The following CRIM1 variants were observed in gnomAD, a reference collection of about 807,000 sequenced individuals.
The protein encoded by CRIM1 is cysteine rich transmembrane BMP regulator 1.
In CRIM1, 32 loss-of-function variants were observed where a neutral mutation model predicts 116.4. That is an observed-to-expected ratio of 0.27 (90% CI 0.21 to 0.37). The LOEUF is 0.37. CRIM1 is among the 10% of genes least tolerant of loss of function. The pLI is 1.00. For missense variants in CRIM1, 1,331 were observed against 1,354.8 expected, an observed-to-expected ratio of 0.98 and a Z score of 0.28; for synonymous variants, 590 against 509.2, an observed-to-expected ratio of 1.16 and a Z score of -2.13.
At chr2:36,382,846 A>G (rs1670887917) in intron 1 of CRIM1, among the ~76,000 whole-genome samples, 1 of 152,264 alleles carries the variant, frequency 6.6e-6, no homozygotes, top group African/African-American at 2.4e-5. Context: ...ATCTCTGTAT[A>G]TTCTAATCCT....
At chr2:36,362,589 C>G (rs1669298780) in intron 1 of CRIM1, among the ~76,000 whole-genome samples, 1 of 152,214 alleles carries the variant, frequency 6.6e-6, no homozygotes, top group Non-Finnish European at 1.5e-5. Flanking sequence ...CAGCACCTCT[C>G]AGCTTCACCC....
rs757223335 is a variant in CRIM1, at chr2:36,479,607, G to A, written c.1285G>A (p.Gly429Ser). The A allele has an allele frequency of 7.4e-6, 12 of 1,614,108 alleles. No individual in the cohort carries two copies. The highest frequency in any genetic ancestry group is 4.4e-5 in the South Asian group (4 of 91,090). Residue 429 changes from glycine to serine, a missense_variant, in exon 7 of 17, where the codon GGT (glycine) becomes AGT (serine). Coordinates refer to ENST00000280527, the MANE Select transcript of CRIM1 (RefSeq NM_016441.3). ...DDCTFCQCVN[G>S]ERHCVATVCG... ...CTGCACATTCTGCCAGTGCGTCAAC[G>A]GTGAACGCCACTGCGTTGCGACCGT... is the stretch of plus-strand genomic sequence containing the variant.
At chr2:36,437,898 C>A (rs1358390759) in intron 2 of CRIM1, among the ~76,000 whole-genome samples, 1 of 152,116 alleles carries the variant, frequency 6.6e-6, no homozygotes, top group Non-Finnish European at 1.5e-5. Context: ...CTTTGGGAGG[C>A]TGAGGCGGGT....
chr2:36,412,438 TG>T (rs1673287099), intron 2 of CRIM1, among the ~76,000 whole-genome samples: 1 of 152,146 alleles, frequency 6.6e-6, no homozygotes, highest in Non-Finnish European at 1.5e-5. Context: ...AGATTGGCAG[TG>T]GGAATTCTTG....
chr2:36,551,011 T>C lies in CRIM1; in HGVS notation c.*2310T>C, dbSNP rs916065649. 11 of 152,642 alleles carry C rather than the reference T, an allele frequency of 7.2e-5. No homozygotes were observed. The highest frequency in any genetic ancestry group is 2.1e-4 in the South Asian group (1 of 4,828). 9.5% of individuals were successfully genotyped at this position (152,642 alleles called of 1,614,324 possible). ...AAATATAATTTCCTGAAGAATAAAA[T>C]AGATATATGGCACTTGGAGTGCATC... On this transcript the variant is annotated 3_prime_UTR_variant, in exon 17 of 17. Coordinates refer to ENST00000280527, the MANE Select transcript of CRIM1 (RefSeq NM_016441.3).
chr2:36,544,359 A>G lies in CRIM1; in HGVS notation c.2624-17A>G, dbSNP rs758819172. On this transcript the variant is annotated splice_polypyrimidine_tract_variant and intron_variant, in intron 14 of 16. Coordinates refer to ENST00000280527, the MANE Select transcript of CRIM1 (RefSeq NM_016441.3). ...GCAGCTTCATCATCTCTTAGGAAAA[A>G]TGTTCCCTTCTTTTAGAAATGTATG... The G allele has an allele frequency of 4.0e-5, 53 of 1,336,262 alleles. No individual in the cohort carries two copies. The highest frequency in any genetic ancestry group is 4.8e-5 in the Non-Finnish European group (50 of 1,033,544). The allele number at this position is 1,336,262 out of a possible 1,614,324, so 82.8% of individuals were successfully genotyped here. A position where few individuals can be genotyped will look rare whatever the true frequency, so the allele number is the denominator to read the frequency against.
chr2:36,423,310 G>A (rs1481098636), intron 2 of CRIM1, among the ~76,000 whole-genome samples: 3 of 152,222 alleles, frequency 2.0e-5, no homozygotes, highest in South Asian at 2.1e-4. Context: ...TATAGAGCAC[G>A]TTTTTAGCTA....
intron 1 of CRIM1, among the ~76,000 whole-genome samples, chr2:36,386,214 A>G (rs1382808095): frequency 1.3e-5 from 2 of 152,242 alleles, no homozygotes; most frequent in Non-Finnish European, 2.9e-5. Flanking sequence ...CATTCTGGCA[A>G]GAAGCATTAA....
intron 2 of CRIM1, 60 bp downstream of exon 2, chr2:36,396,847 T>A: frequency 7.3e-7 from 1 of 1,371,480 alleles, no homozygotes; most frequent in Non-Finnish European, 1.0e-6. Flanking sequence ...TAACCCTGAG[T>A]AGTAATAGTA....
At chr2:36,387,588 T>C (rs1378830981) in intron 1 of CRIM1, among the ~76,000 whole-genome samples, 4 of 152,226 alleles carry the variant, frequency 2.6e-5, no homozygotes, top group Non-Finnish European at 5.9e-5. Flanking sequence ...AGTTAAGGTC[T>C]GTGCCACAAA....
At chr2:36,449,494 C>G (rs1676519444) in intron 4 of CRIM1, among the ~76,000 whole-genome samples, 1 of 152,214 alleles carries the variant, frequency 6.6e-6, no homozygotes, top group African/African-American at 2.4e-5. Flanking sequence ...CTGCACATCA[C>G]CTGGTGCTGT....
chr2:36,550,172 A>C lies in CRIM1; in HGVS notation c.*1471A>C, dbSNP rs767976190. The stretch of plus-strand genomic sequence containing the variant: ...TGGATTTGCTTTCAGTTGGTTTTCA[A>C]TTTGCTCACTGGCCAGAGACATTGA... On this transcript the variant is annotated 3_prime_UTR_variant, in exon 17 of 17. Transcript: ENST00000280527. 1.1e-4 allele frequency: 16 copies of C among 150,994 alleles called. No homozygotes were observed. The highest frequency in any genetic ancestry group is 2.2e-4 in the Non-Finnish European group (15 of 67,850). 9.4% of individuals were successfully genotyped at this position (150,994 alleles called of 1,614,324 possible).
At chr2:36,500,764 G>A (rs1287691499) in intron 8 of CRIM1, among the ~76,000 whole-genome samples, 3 of 152,192 alleles carry the variant, frequency 2.0e-5, no homozygotes, top group Non-Finnish European at 4.4e-5. Flanking sequence ...GCTGCTTACA[G>A]TAGTCCTAAG....
intron 14 of CRIM1, among the ~76,000 whole-genome samples, chr2:36,543,270 T>C (rs1436057468): frequency 6.6e-6 from 1 of 152,126 alleles, no homozygotes; most frequent in Admixed American, 6.5e-5. Context: ...AGTTAACTCA[T>C]GGGGGAAGCT....
At chr2:36,367,096 G>A (rs1238428540) in intron 1 of CRIM1, among the ~76,000 whole-genome samples, 2 of 152,176 alleles carry the variant, frequency 1.3e-5, no homozygotes, top group South Asian at 2.1e-4. Context: ...GTGAGGAAAA[G>A]GGATGGATTT....
At chr2:36,534,174 A>G (rs1666324329) in intron 13 of CRIM1, among the ~76,000 whole-genome samples, 1 of 119,800 alleles carries the variant, frequency 8.3e-6, no homozygotes, top group African/African-American at 3.3e-5. Context: ...GAAGGAAGGA[A>G]GGAGGGAGTG....
At chr2:36,546,056 C>G (rs1014393111) in intron 15 of CRIM1, among the ~76,000 whole-genome samples, 23 of 152,254 alleles carry the variant, frequency 1.5e-4, no homozygotes, top group Middle Eastern at 6.8e-3. Context: ...GAGTTTTAAA[C>G]CACAGTGTTA....
At chr2:36,387,269 G>A (rs1415324306) in intron 1 of CRIM1, among the ~76,000 whole-genome samples, 1 of 152,204 alleles carries the variant, frequency 6.6e-6, no homozygotes, top group Non-Finnish European at 1.5e-5. Flanking sequence ...AGAGTATCCT[G>A]ATGAAGAGAT....
intron 7 of CRIM1, among the ~76,000 whole-genome samples, chr2:36,480,098 A>C (rs989909928): frequency 2.6e-5 from 4 of 152,210 alleles, no homozygotes; most frequent in Admixed American, 2.6e-4. Flanking sequence ...CTAGAAGAAA[A>C]GACTGGAACC....
Sources: gnomAD v4.1 joint callset for allele counts (sites outside exome capture counted in the v4.1 genomes callset) on GRCh38, gnomAD v4.1.1 for gene constraint, MANE v1.5 for transcripts, NCBI Gene and HGNC (gene_info 2026-07-23, HGNC 2026-07-21) for gene names.